HFM1: variants seen among roughly 807,000 people sequenced by gnomAD.
The protein encoded by HFM1 is helicase for meiosis 1.
Under a neutral mutation model 192.1 loss-of-function variants are expected in HFM1, and 169 were observed. That is an observed-to-expected ratio of 0.88 (90% CI 0.78 to 1.00). The LOEUF is 1.00. Among genes scored for constraint, HFM1 ranks in the 50% least tolerant of loss-of-function variants. The pLI is 0.00. For missense variants in HFM1, 1,661 were observed against 1,668.0 expected (o/e 1.00, Z 0.07); for synonymous variants, 525 against 537.8 (o/e 0.98, Z 0.33).
chr1:91,327,389 G>A (rs1179102449), intron 20 of HFM1, among the ~76,000 whole-genome samples: 1 of 152,186 alleles, frequency 6.6e-6, no homozygotes, highest in Non-Finnish European at 1.5e-5. Flanking sequence ...ATGGTGGCAT[G>A]TGCCTGTGAT....
intron 30 of HFM1, among the ~76,000 whole-genome samples, chr1:91,281,188 G>C (rs1355330637): frequency 3.3e-5 from 5 of 152,184 alleles, no homozygotes; most frequent in Non-Finnish European, 7.3e-5. Flanking sequence ...GGTGGTGGTA[G>C]TAGAGTTACA....
At chr1:91,285,829 G>A (rs985312153) in intron 30 of HFM1, among the ~76,000 whole-genome samples, 3 of 152,124 alleles carry the variant, frequency 2.0e-5, no homozygotes, top group Admixed American at 1.3e-4. Context: ...TAGAATCTCA[G>A]GCTGTCCCAC....
chr1:91,369,729 A>G (rs1482049067), intron 13 of HFM1, among the ~76,000 whole-genome samples: 1 of 152,196 alleles, frequency 6.6e-6, no homozygotes, highest in Non-Finnish European at 1.5e-5. Context: ...AAGGCAAGAA[A>G]TAACTAAGAT....
chr1:91,343,504 C>G lies in HFM1; in HGVS notation c.2261G>C (p.Cys754Ser). 1 of 1,315,888 alleles carries G rather than the reference C, an allele frequency of 7.6e-7. No homozygotes were observed. The highest frequency in any genetic ancestry group is 1.1e-6 in the Non-Finnish European group (1 of 947,164). 81.5% of individuals were successfully genotyped at this position (1,315,888 alleles called of 1,614,324 possible). ...TGATAAATCATTCAGATTCTTCAAA[C>G]ATAATTCTGTTTAATTATAGAAAAC... ...DGIEAKLQEL[C>S]LKNLNDLSSL... The change falls in exon 20 of 39, where the codon TGT becomes TCT. Residue 754 changes from cysteine (C) to serine (S), a missense_variant. By Grantham distance (112) the Cys-to-Ser change is moderately radical. Transcript: ENST00000370425.
At chr1:91,401,736 A>G (rs1207217228) in intron 1 of HFM1, among the ~76,000 whole-genome samples, 1 of 152,180 alleles carries the variant, frequency 6.6e-6, no homozygotes, top group Admixed American at 6.5e-5. Flanking sequence ...TACAAGTTTA[A>G]CATACATATG....
At chr1:91,306,554 T>C (rs528003767) in intron 30 of HFM1, among the ~76,000 whole-genome samples, 22 of 152,294 alleles carry the variant, frequency 1.4e-4, no homozygotes, top group South Asian at 1.0e-3. Flanking sequence ...CCATACTTAA[T>C]TGTGCTTTTA....
At chr1:91,369,880 T>C (rs1235309185) in intron 13 of HFM1, among the ~76,000 whole-genome samples, 1 of 151,986 alleles carries the variant, frequency 6.6e-6, no homozygotes, top group Non-Finnish European at 1.5e-5. Flanking sequence ...AAGAATCAAA[T>C]AGACGCAATA....
upstream of HFM1, among the ~76,000 whole-genome samples, chr1:91,407,669 GT>G (rs1045931482): frequency 2.0e-5 from 3 of 152,126 alleles, no homozygotes; most frequent in Non-Finnish European, 4.4e-5. Flanking sequence ...CATTTGAGTT[GT>G]TTCCACATTT....
chr1:91,405,345 G>C (rs571273032), upstream of HFM1, among the ~76,000 whole-genome samples: 3 of 152,172 alleles, frequency 2.0e-5, no homozygotes, highest in Non-Finnish European at 4.4e-5. Flanking sequence ...TGTGTTCTTA[G>C]GCTGTAAACA....
chr1:91,378,123 T>C lies in HFM1; in HGVS notation c.1297A>G (p.Lys433Glu). Residue 433 changes from lysine to glutamate, a missense_variant, in exon 11 of 39, where the codon AAA (lysine) becomes GAA (glutamate). By Grantham distance (56) the Lys-to-Glu change is moderately conservative. Transcript: ENST00000370425. The stretch of plus-strand genomic sequence containing the variant: ...GTCTGAGAAACAGACTGTACAGTTT[T>C]CATTCTGCTAACTACAACTTCAAGA... Reference protein sequence around the residue: ...PTLEVVVSRMKTVQSVSQTLK... With the variant: ...PTLEVVVSRMETVQSVSQTLK... 1 of 1,610,906 alleles carries C rather than the reference T, an allele frequency of 6.2e-7. No individual in the cohort carries two copies. Among genetic ancestry groups the C allele is most frequent in the Non-Finnish European group, 8.5e-7 (1 of 1,178,178 alleles).
chr1:91,331,352 A>G (rs1264172634), intron 20 of HFM1, among the ~76,000 whole-genome samples: 1 of 152,212 alleles, frequency 6.6e-6, no homozygotes, highest in Non-Finnish European at 1.5e-5. Flanking sequence ...AAAAGAAATA[A>G]AAAGTAATCC....
At chr1:91,398,252 A>T (rs1663908101) in intron 2 of HFM1, among the ~76,000 whole-genome samples, 1 of 152,224 alleles carries the variant, frequency 6.6e-6, no homozygotes, top group Non-Finnish European at 1.5e-5. Context: ...AATCTTCCTT[A>T]TAATTTCCCA....
chr1:91,385,684 AT>A lies in HFM1; in HGVS notation c.644del (p.Tyr215PhefsTer39). On this transcript the variant is annotated frameshift_variant, in exon 5 of 39. Coordinates refer to ENST00000370425, the MANE Select transcript of HFM1 (RefSeq NM_001017975.6). LOFTEE classifies it high-confidence loss of function. ...NYSNSKQKFQ[Y>X]SANVFTANNA... is the part of the protein sequence containing the mutation. ...TATTTGCTGTAAACACATTTGCAGAATACTGAAATTTTTGCTTACTATTGCT... is the reference window on the plus strand; with the variant it reads ...TATTTGCTGTAAACACATTTGCAGAAACTGAAATTTTTGCTTACTATTGCT... 6.2e-7 allele frequency: 1 copy of A among 1,612,710 alleles called. No individual in the cohort carries two copies. Among genetic ancestry groups the A allele is most frequent in the Non-Finnish European group, 8.5e-7 (1 of 1,178,804 alleles).
At chr1:91,374,729 A>C (rs1436574301) in intron 13 of HFM1, among the ~76,000 whole-genome samples, 1 of 152,148 alleles carries the variant, frequency 6.6e-6, no homozygotes, top group Non-Finnish European at 1.5e-5. Flanking sequence ...GTAGACATAC[A>C]ACTGGATTCA....
intron 20 of HFM1, among the ~76,000 whole-genome samples, chr1:91,329,769 G>A (rs1653525064): frequency 6.6e-6 from 1 of 152,224 alleles, no homozygotes; most frequent in South Asian, 2.1e-4. Context: ...TTTAGTGGAT[G>A]GACAATAAGT....
upstream of HFM1, among the ~76,000 whole-genome samples, chr1:91,407,706 G>T (rs569756598): frequency 2.0e-5 from 3 of 152,264 alleles, no homozygotes; most frequent in East Asian, 5.8e-4. Context: ...TGTGAATAAT[G>T]CTTCTATGAA....
chr1:91,277,158 C>A, intron 30 of HFM1, 96 bp from the exon 31 acceptor site: 4 of 618,890 alleles, frequency 6.5e-6, no homozygotes, highest in Non-Finnish European at 5.3e-6. Context: ...TCCTTTCAGA[C>A]AATACAAAAA....
At chr1:91,365,720 T>C (rs145356385) in intron 13 of HFM1, among the ~76,000 whole-genome samples, 202 of 152,158 alleles carry the variant, frequency 1.3e-3, no homozygotes, top group African/African-American at 4.6e-3. Flanking sequence ...CACAATGGAA[T>C]GAAGATAAGG....
chr1:91,324,011 T>A (rs576358535), intron 21 of HFM1, among the ~76,000 whole-genome samples: 4 of 152,356 alleles, frequency 2.6e-5, no homozygotes, highest in African/African-American at 9.6e-5. Context: ...TTTTCTTTTA[T>A]GAATATTGTT....
Sources: gnomAD v4.1 joint callset for allele counts (sites outside exome capture counted in the v4.1 genomes callset) on GRCh38, gnomAD v4.1.1 for gene constraint, MANE v1.5 for transcripts, NCBI Gene and HGNC (gene_info 2026-07-23, HGNC 2026-07-21) for gene names.